The following AKAP13 variants were observed in gnomAD, a reference collection of about 807,000 sequenced individuals.
AKAP13 encodes the protein A-kinase anchoring protein 13.
In AKAP13, 80 loss-of-function variants were observed where a neutral mutation model predicts 264.5. The observed-to-expected ratio is 0.30, with a 90% CI of 0.25 to 0.36. The LOEUF is 0.36. AKAP13 is among the 10% of genes least tolerant of loss of function. The probability of loss-of-function intolerance (pLI) is 1.00; values close to 1 mark genes in which losing one functional copy is unlikely to be tolerated. For missense variants in AKAP13, 3,712 were observed against 3,435.2 expected (o/e 1.08, Z -2.01); for synonymous variants, 1,380 against 1,250.2 (o/e 1.10, Z -2.19).
intron 1 of AKAP13, among the ~76,000 whole-genome samples, chr15:85,434,655 C>A (rs1178574577): frequency 6.6e-6 from 1 of 152,050 alleles, no homozygotes; most frequent in Non-Finnish European, 1.5e-5. Context: ...TCAAGTGGGT[C>A]CCTGACCCCT....
At chr15:85,642,203 G>A (rs550082569) in intron 9 of AKAP13, among the ~76,000 whole-genome samples, 1 of 152,234 alleles carries the variant, frequency 6.6e-6, no homozygotes, top group African/African-American at 2.4e-5. Context: ...CCAGAGTTCT[G>A]GTTACTGTAT....
rs2072186272 is a variant in AKAP13 at position 85,415,226 on chromosome 15, C to T, written c.-12+34428C>T. The T allele has an allele frequency of 7.7e-6, 12 of 1,550,752 alleles. No homozygotes were observed. The South Asian group carries it at 1.4e-4, about 18-fold the overall frequency. ...TGCACGCCAGCTCGCCCGCACCCCT[C>T]ATGGCCACAGTTCAGCAGCTGGAAG... On this transcript the variant is annotated intron_variant, in intron 1 of 36. Transcript: ENST00000394518.
chr15:85,595,903 G>A (rs1021205074), intron 8 of AKAP13, among the ~76,000 whole-genome samples: 5 of 152,200 alleles, frequency 3.3e-5, no homozygotes, highest in Non-Finnish European at 7.3e-5. Flanking sequence ...AGTAGTATAT[G>A]AACCATGTGG....
intron 1 of AKAP13, among the ~76,000 whole-genome samples, chr15:85,465,047 A>AAG (rs2074673079): frequency 6.7e-6 from 1 of 149,704 alleles, no homozygotes; most frequent in Middle Eastern, 3.2e-3. Flanking sequence ...TTCATGCCAT[A>AAG]CTCCTGCCTC....
At chr15:85,676,031 C>A (rs1156818286) in intron 14 of AKAP13, among the ~76,000 whole-genome samples, 2 of 152,154 alleles carry the variant, frequency 1.3e-5, no homozygotes, top group African/African-American at 2.4e-5. Flanking sequence ...CCTGCCTCAG[C>A]CTCCTGAGTA....
rs12904047 is a variant in AKAP13, at chr15:85,669,635, A to C, written c.4993-87A>C. On this transcript the variant is annotated intron_variant, in intron 13 of 36. Coordinates refer to ENST00000394518, the MANE Select transcript of AKAP13 (RefSeq NM_007200.5). ...CGCTTCTTCACTGCCTTATTTTACT[A>C]TGTGGGTCTAATTATAAGGTTTTAT... The C allele has an allele frequency of 3.1e-6, 3 of 969,112 alleles. No homozygotes were observed. The Admixed American group carries it at 5.7e-5, about 19-fold the overall frequency. The allele number at this position is 969,112 out of a possible 1,614,324, so 60.0% of individuals were successfully genotyped here. A position where few individuals can be genotyped will look rare whatever the true frequency, so the allele number is the denominator to read the frequency against.
chr15:85,402,631 T>A (rs2071479013), intron 1 of AKAP13, among the ~76,000 whole-genome samples: 1 of 152,204 alleles, frequency 6.6e-6, no homozygotes, highest in African/African-American at 2.4e-5. Context: ...AGAATCATAC[T>A]CCTTGCTTAT....
chr15:85,715,018 T>C (rs1227550854), intron 19 of AKAP13, among the ~76,000 whole-genome samples: 1 of 152,172 alleles, frequency 6.6e-6, no homozygotes, highest in East Asian at 1.9e-4. Context: ...TATTAAAATA[T>C]GTAATACTCC....
At chr15:85,678,917 G>A (rs911834389) in intron 14 of AKAP13, among the ~76,000 whole-genome samples, 3 of 151,592 alleles carry the variant, frequency 2.0e-5, no homozygotes, top group Non-Finnish European at 4.4e-5. Flanking sequence ...GTAATATACC[G>A]GGAAGTAGCC....
intron 13 of AKAP13, among the ~76,000 whole-genome samples, chr15:85,665,469 C>T (rs1301867012): frequency 6.6e-6 from 1 of 152,202 alleles, no homozygotes; most frequent in Non-Finnish European, 1.5e-5. Context: ...CTTACTACAC[C>T]TTCCAGGAAA....
At chr15:85,567,296 C>T (rs563023101) in intron 5 of AKAP13, among the ~76,000 whole-genome samples, 22 of 151,960 alleles carry the variant, frequency 1.4e-4, no homozygotes, top group African/African-American at 1.7e-4. Flanking sequence ...TTAGTAGAGA[C>T]GGGGTTTCAT....
chr15:85,383,693 A>G (rs1445897288), intron 1 of AKAP13, among the ~76,000 whole-genome samples: 3 of 152,180 alleles, frequency 2.0e-5, no homozygotes, highest in Non-Finnish European at 4.4e-5. Flanking sequence ...TGAGAGTGGG[A>G]CTTGCAGAGT....
chr15:85,567,941 G>GA (rs2078663390), intron 5 of AKAP13, among the ~76,000 whole-genome samples: 2 of 141,828 alleles, frequency 1.4e-5, no homozygotes, highest in South Asian at 4.7e-4. Context: ...AGCCCAAAGA[G>GA]GTGTGTGTGT....
chr15:85,399,519 AAAATAAAAAAAT>A lies in AKAP13; in HGVS notation c.-12+18725_-12+18736del, dbSNP rs2071304193. On this transcript the variant is annotated intron_variant, in intron 1 of 36. Coordinates refer to ENST00000394518, the MANE Select transcript of AKAP13 (RefSeq NM_007200.5). ...CTCCGTCTCAAAAAAAAAAAAAAAA[AAAATAAAAAAAT>A]AAAAAAATAAATAAATAAATAAATA... Among the ~76,000 whole-genome samples the A allele has an allele frequency of 1.9e-3, 232 of 124,552 alleles. 3 individuals are homozygous for A. The highest frequency in any genetic ancestry group is 7.5e-3 in the African/African-American group (226 of 30,152). The allele number at this position is 124,552 out of a possible 152,430, so 81.7% of individuals were successfully genotyped here.
At chr15:85,606,090 C>CTTT (rs369008646) in intron 8 of AKAP13, among the ~76,000 whole-genome samples, 1,530 of 88,024 alleles carry the variant, frequency 0.017, 128 homozygotes, top group Admixed American at 0.041. Flanking sequence ...GTTTGATCTA[C>CTTT]TTTTTTTTTT....
chr15:85,723,597 T>A (rs1218577059), intron 26 of AKAP13, among the ~76,000 whole-genome samples: 1 of 152,130 alleles, frequency 6.6e-6, no homozygotes, highest in Non-Finnish European at 1.5e-5. Flanking sequence ...AAGCGTAAGA[T>A]TGGTGCACAT....
At chr15:85,668,733 G>A (rs2083741651) in intron 13 of AKAP13, among the ~76,000 whole-genome samples, 1 of 152,138 alleles carries the variant, frequency 6.6e-6, no homozygotes, top group Non-Finnish European at 1.5e-5. Flanking sequence ...TTTGAGCCCA[G>A]GGATTTAAGA....
At chr15:85,712,192 C>T (rs1005684029) in intron 19 of AKAP13, among the ~76,000 whole-genome samples, 10 of 152,192 alleles carry the variant, frequency 6.6e-5, no homozygotes, top group South Asian at 4.2e-4. Context: ...GCTTGAAAAC[C>T]GCTCCTTTAT....
At chr15:85,681,418 C>T (rs1371564135) in intron 14 of AKAP13, among the ~76,000 whole-genome samples, 1 of 152,034 alleles carries the variant, frequency 6.6e-6, no homozygotes, top group Non-Finnish European at 1.5e-5. Flanking sequence ...TAATAATATT[C>T]CTTCTATTTT....
Sources: allele counts gnomAD v4.1 joint callset (sites outside exome capture counted in the v4.1 genomes callset), GRCh38; gene constraint gnomAD v4.1.1; transcripts MANE v1.5; gene names NCBI Gene and HGNC (gene_info 2026-07-23, HGNC 2026-07-21).